MGAT4C: variants seen among roughly 807,000 people sequenced by gnomAD.
MGAT4C encodes MGAT4 family member C.
MGAT4C carries 19 observed loss-of-function variants against 40.1 expected under a neutral mutation model. The ratio of observed to expected loss-of-function variants is 0.47; its 90% CI spans 0.33 to 0.70. The LOEUF is 0.70. Among genes scored for constraint, MGAT4C ranks in the 30% least tolerant of loss-of-function variants. The pLI, the probability that MGAT4C is intolerant of heterozygous loss-of-function variation, is 0.02. For missense variants in MGAT4C, 491 were observed against 563.2 expected (o/e 0.87, Z 1.30); for synonymous variants, 181 against 187.1 (o/e 0.97, Z 0.27).
At chr12:86,357,331 C>T (rs185361746) in intron 3 of MGAT4C, among the ~76,000 whole-genome samples, 41 of 152,296 alleles carry the variant, frequency 2.7e-4, no homozygotes, top group African/African-American at 9.9e-4. Context: ...ACGTCACCAT[C>T]ATCAAAGACC....
rs78975740 is a variant in MGAT4C, at chr12:86,196,202, A to G, written c.-57+60037T>C. On this transcript the variant is annotated intron_variant, in intron 1 of 4. Transcript: ENST00000611864. ...CACCTTATTGCTGTATCCTCACATG[A>G]TCATTCTCTGTAAGAGAGAGCTCTT... is the stretch of plus-strand genomic sequence containing the variant. 3.1e-3 allele frequency among the ~76,000 whole-genome samples: 475 copies of G among 152,278 alleles called. 3 individuals carry two copies. The highest frequency in any genetic ancestry group is 0.011 in the African/African-American group (453 of 41,560).
chr12:86,765,767 A>T (rs1420539147), intron 1 of MGAT4C, among the ~76,000 whole-genome samples: 1 of 152,170 alleles, frequency 6.6e-6, no homozygotes, highest in East Asian at 1.9e-4. Flanking sequence ...AGCCAAACTA[A>T]GCTTCATAAG....
intron 3 of MGAT4C, among the ~76,000 whole-genome samples, chr12:86,417,649 T>A (rs1476400785): frequency 6.6e-6 from 1 of 152,118 alleles, no homozygotes; most frequent in Admixed American, 6.5e-5. Context: ...ATATTTAAAT[T>A]TTTGCATGTT....
intron 2 of MGAT4C, among the ~76,000 whole-genome samples, chr12:86,684,350 A>G (rs1950033948): frequency 6.6e-6 from 1 of 152,182 alleles, no homozygotes; most frequent in Non-Finnish European, 1.5e-5. Flanking sequence ...GTCCCTGCAA[A>G]AGACATAAAC....
intron 2 of MGAT4C, among the ~76,000 whole-genome samples, chr12:86,027,020 A>G (rs1890303496): frequency 6.6e-6 from 1 of 152,056 alleles, no homozygotes; most frequent in African/African-American, 2.4e-5. Flanking sequence ...AGTTCTCAGT[A>G]TACTATAAGT....
chr12:85,982,204 G>A lies in MGAT4C; in HGVS notation c.295+1319C>T, dbSNP rs1002325329. On this transcript the variant is annotated intron_variant, in intron 4 of 4. Coordinates refer to ENST00000611864, the MANE Select transcript of MGAT4C (RefSeq NM_001351288.2). Reference sequence around the variant, plus strand: ...TTTTTGTTTTTGTTTTTTTGAAATGGAGTCTTGCTCTGTTGCCCAGGCTGG... The same window carrying A: ...TTTTTGTTTTTGTTTTTTTGAAATGAAGTCTTGCTCTGTTGCCCAGGCTGG... Among the ~76,000 whole-genome samples the A allele has an allele frequency of 2.0e-5, 3 of 151,950 alleles. No homozygotes were observed. The South Asian group carries it at 6.2e-4, about 32-fold the overall frequency.
intron 1 of MGAT4C, among the ~76,000 whole-genome samples, chr12:86,763,302 T>C (rs1951437789): frequency 6.6e-6 from 1 of 152,206 alleles, no homozygotes; most frequent in South Asian, 2.1e-4. Context: ...AAGGGTATAT[T>C]GAAAACTAGG....
chr12:86,401,551 A>C (rs1376483183), intron 3 of MGAT4C, among the ~76,000 whole-genome samples: 4 of 152,146 alleles, frequency 2.6e-5, no homozygotes, highest in African/African-American at 9.7e-5. Flanking sequence ...TTAGACAAAA[A>C]AGATAATCTA....
intron 2 of MGAT4C, among the ~76,000 whole-genome samples, chr12:86,494,078 G>A (rs1290904176): frequency 6.6e-6 from 1 of 151,940 alleles, no homozygotes; most frequent in Non-Finnish European, 1.5e-5. Context: ...CAATCAAGAT[G>A]TAAAACCTTT....
chr12:86,695,178 C>G (rs1284149432), intron 2 of MGAT4C, among the ~76,000 whole-genome samples: 1 of 149,532 alleles, frequency 6.7e-6, no homozygotes, highest in Non-Finnish European at 1.5e-5. Flanking sequence ...TGTTTAACAT[C>G]ATTGATTATC....
intron 1 of MGAT4C, among the ~76,000 whole-genome samples, chr12:86,077,088 C>T (rs1215784386): frequency 1.3e-5 from 2 of 152,078 alleles, no homozygotes; most frequent in Non-Finnish European, 2.9e-5. Flanking sequence ...CCTTTCACAA[C>T]CCACTGACTC....
At chr12:86,466,349 T>C (rs1455848747) in intron 2 of MGAT4C, among the ~76,000 whole-genome samples, 2 of 152,220 alleles carry the variant, frequency 1.3e-5, no homozygotes, top group Non-Finnish European at 2.9e-5. Context: ...AATGGAATAT[T>C]GTTCAGCACT....
chr12:86,792,221 T>A (rs1952034941), intron 1 of MGAT4C, among the ~76,000 whole-genome samples: 1 of 152,200 alleles, frequency 6.6e-6, no homozygotes, highest in Non-Finnish European at 1.5e-5. Flanking sequence ...TATTCATACT[T>A]ACTACCTAAA....
At chr12:86,212,014 A>C (rs376302177) in intron 1 of MGAT4C, among the ~76,000 whole-genome samples, 5 of 152,172 alleles carry the variant, frequency 3.3e-5, no homozygotes, top group East Asian at 3.9e-4. Flanking sequence ...GAAAAGAAAA[A>C]TATCTTATGC....
At chr12:86,246,578 T>G (rs1952040435) in intron 1 of MGAT4C, among the ~76,000 whole-genome samples, 1 of 152,240 alleles carries the variant, frequency 6.6e-6, no homozygotes, top group South Asian at 2.1e-4. Flanking sequence ...CTTGAAATTT[T>G]TAAACGTAGC....
chr12:86,761,824 T>C (rs1565971468), intron 1 of MGAT4C, among the ~76,000 whole-genome samples: 1 of 152,154 alleles, frequency 6.6e-6, no homozygotes, highest in African/African-American at 2.4e-5. Context: ...TAAGGACCTT[T>C]GTGATAGAAT....
chr12:86,432,027 A>G (rs1957049233), intron 3 of MGAT4C, among the ~76,000 whole-genome samples: 1 of 152,080 alleles, frequency 6.6e-6, no homozygotes. Flanking sequence ...GTACTCCACT[A>G]GAAGAAAAAG....
intron 2 of MGAT4C, among the ~76,000 whole-genome samples, chr12:86,603,703 C>CTATAGTCTATAGACTATA (rs1283587478): frequency 3.2e-5 from 4 of 125,654 alleles, no homozygotes; most frequent in Non-Finnish European, 6.5e-5. Context: ...TATATATTAT[C>CTATAGTCTATAGACTATA]TATAGTCTAT....
intron 3 of MGAT4C, among the ~76,000 whole-genome samples, chr12:86,339,585 T>C (rs2136182014): frequency 6.6e-6 from 1 of 152,276 alleles, no homozygotes; most frequent in East Asian, 1.9e-4. Flanking sequence ...TAAAAATATG[T>C]TTTCTTACCA....
Sources: allele counts gnomAD v4.1 joint callset (sites outside exome capture counted in the v4.1 genomes callset), GRCh38; gene constraint gnomAD v4.1.1; transcripts MANE v1.5; gene names NCBI Gene and HGNC (gene_info 2026-07-23, HGNC 2026-07-21).